C12orf76: variants seen among roughly 807,000 people sequenced by gnomAD.
C12orf76 encodes the protein uncharacterized protein C12orf76.
Under a neutral mutation model 6.8 loss-of-function variants are expected in C12orf76, and 6 were observed. The ratio of observed to expected loss-of-function variants is 0.88; its 90% CI spans 0.48 to 1.73. C12orf76 has a LOEUF of 1.73. Among genes scored for constraint, C12orf76 ranks in the 40% most tolerant of loss-of-function variants. C12orf76 has a pLI of 0.01. For missense variants in C12orf76, 99 were observed against 98.2 expected, an observed-to-expected ratio of 1.01 and a Z score of -0.03; for synonymous variants, 56 against 43.7, an observed-to-expected ratio of 1.28 and a Z score of -1.11.
upstream of C12orf76, among the ~76,000 whole-genome samples, chr12:110,052,497 C>T (rs1272992294): frequency 6.6e-6 from 1 of 152,106 alleles, no homozygotes; most frequent in Non-Finnish European, 1.5e-5. Flanking sequence ...CACCAGGCTG[C>T]AGGAGCTACT....
rs993363138 is a variant in C12orf76, at chr12:110,041,383, C to T, written c.*991G>A. 1 of 152,572 alleles carries T rather than the reference C, an allele frequency of 6.6e-6. No individual in the cohort carries two copies. Among genetic ancestry groups the T allele is most frequent in the African/African-American group, 2.4e-5 (1 of 41,434 alleles). 9.5% of individuals were successfully genotyped at this position (152,572 alleles called of 1,614,324 possible). Reference sequence around the variant, plus strand: ...TTTCAATTTAATAACAAAATTAAATCTAGCACCTTGAAATAAATATTGACG... The same window carrying T: ...TTTCAATTTAATAACAAAATTAAATTTAGCACCTTGAAATAAATATTGACG... On this transcript the variant is annotated 3_prime_UTR_variant, in exon 2 of 2. Transcript: ENST00000615315.
chr12:110,046,628 G>A (rs1740032904), intron 1 of C12orf76, among the ~76,000 whole-genome samples: 1 of 152,128 alleles, frequency 6.6e-6, no homozygotes, highest in African/African-American at 2.4e-5. Context: ...TAAGTGCTTG[G>A]ATGTTGCAAC....
At chr12:110,049,684 T>G (rs1892542938), upstream of C12orf76, 1 of 152,220 alleles carries the variant, frequency 6.6e-6, no homozygotes, top group South Asian at 2.1e-4. Context: ...TTACTTCTTT[T>G]GTGGATCTTC....
At chr12:110,061,125 T>G (rs1892765154) in intron 2 of C12orf76, among the ~76,000 whole-genome samples, 1 of 151,178 alleles carries the variant, frequency 6.6e-6, no homozygotes, top group South Asian at 2.1e-4. Context: ...CAGCTCCAGA[T>G]TCATATATCC....
chr12:110,058,928 T>G (rs1316548906), intron 3 of C12orf76: 1 of 1,469,024 alleles, frequency 6.8e-7, no homozygotes, highest in South Asian at 1.4e-5. Context: ...CAATTCTTAC[T>G]CCCCCCCACC....
intron 1 of C12orf76, 62 bp downstream of exon 1, chr12:110,048,301 A>G: frequency 7.0e-7 from 1 of 1,433,324 alleles, no homozygotes; most frequent in Non-Finnish European, 9.1e-7. Context: ...GCCCGGCTCC[A>G]GCACCCGGAG....
chr12:110,044,102 T>A (rs1434928737), intron 1 of C12orf76: 1 of 151,692 alleles, frequency 6.6e-6, no homozygotes, highest in Non-Finnish European at 1.5e-5. Context: ...TGATACGCAA[T>A]CTTGTTTCTG....
intron 4 of C12orf76, chr12:110,057,168 A>G: frequency 6.5e-7 from 1 of 1,530,636 alleles, no homozygotes; most frequent in African/African-American, 1.4e-5. Context: ...CTCTGAATAT[A>G]AGTGACTTTC....
At chr12:110,059,734 A>G (rs1229316072) in intron 2 of C12orf76, among the ~76,000 whole-genome samples, 1 of 152,210 alleles carries the variant, frequency 6.6e-6, no homozygotes, top group Non-Finnish European at 1.5e-5. Context: ...TGGTTGAGAC[A>G]GTTGAGGGTC....
At chr12:110,051,465 C>T (rs752961791), upstream of C12orf76, among the ~76,000 whole-genome samples, 14 of 151,854 alleles carry the variant, frequency 9.2e-5, no homozygotes, top group South Asian at 2.1e-4. Context: ...CTTGCTCTGT[C>T]GCCCAGGTTG....
At chr12:110,073,297 T>C in intron 1 of C12orf76, 1 of 443,576 alleles carries the variant, frequency 2.3e-6, no homozygotes, top group South Asian at 1.6e-5. Context: ...CCCGGTTTGC[T>C]GTGAAAGCAC....
chr12:110,042,605 A>G, intron 1 of C12orf76, 146 bp from the exon 2 acceptor site: 3 of 708,424 alleles, frequency 4.2e-6, no homozygotes, highest in Non-Finnish European at 7.8e-6. Flanking sequence ...TCCTCTCTCC[A>G]GTTGTCTCTA....
chr12:110,047,888 CCA>C (rs1892491286), intron 1 of C12orf76, among the ~76,000 whole-genome samples: 1 of 152,108 alleles, frequency 6.6e-6, no homozygotes, highest in Admixed American at 6.5e-5. Flanking sequence ...TAGCCTGAGC[CCA>C]CACTGCCAGA....
At chr12:110,049,635 CAA>C (rs1161451702), upstream of C12orf76, 1 of 152,152 alleles carries the variant, frequency 6.6e-6, no homozygotes, top group Non-Finnish European at 1.5e-5. Context: ...GGGGCAGAAA[CAA>C]ATCACAATGG....
intron 2 of C12orf76, among the ~76,000 whole-genome samples, chr12:110,060,602 G>A (rs1170616897): frequency 6.6e-6 from 1 of 152,094 alleles, no homozygotes; most frequent in African/African-American, 2.4e-5. Flanking sequence ...GGGGACTTCA[G>A]CACTCCCACC....
chr12:110,067,931 G>A (rs1278101059), upstream of C12orf76, among the ~76,000 whole-genome samples: 1 of 152,040 alleles, frequency 6.6e-6, no homozygotes, highest in Non-Finnish European at 1.5e-5. Context: ...GAAGCCAAAG[G>A]CCGGGTGCGG....
intron 4 of C12orf76, chr12:110,057,122 A>G: frequency 9.3e-7 from 1 of 1,080,716 alleles, no homozygotes; most frequent in East Asian, 2.4e-5. Context: ...GAAGGTGTCC[A>G]CCATAAAGTT....
At chr12:110,044,806 T>C (rs937239078) in intron 1 of C12orf76, among the ~76,000 whole-genome samples, 1 of 151,924 alleles carries the variant, frequency 6.6e-6, no homozygotes, top group African/African-American at 2.4e-5. Flanking sequence ...AAACCCTGTC[T>C]CTATTGAAAA....
chr12:110,065,541 A>G (rs111794172), intron 2 of C12orf76, among the ~76,000 whole-genome samples: 17 of 152,144 alleles, frequency 1.1e-4, no homozygotes, highest in African/African-American at 3.9e-4. Context: ...TTCACCTCCT[A>G]GCAAATCCAT....
Sources: gnomAD v4.1 joint callset for allele counts (sites outside exome capture counted in the v4.1 genomes callset) on GRCh38, gnomAD v4.1.1 for gene constraint, MANE v1.5 for transcripts, NCBI Gene and HGNC (gene_info 2026-07-23, HGNC 2026-07-21) for gene names.